SLIT3: variants seen among roughly 807,000 people sequenced by gnomAD.
The protein encoded by SLIT3 is slit homolog 3 protein.
In SLIT3, 68 loss-of-function variants were observed where a neutral mutation model predicts 184.0. That is an observed-to-expected ratio of 0.37 (90% CI 0.30 to 0.45). SLIT3 has a LOEUF of 0.45. SLIT3 is among the 20% of genes least tolerant of loss of function. The pLI, the probability that SLIT3 is intolerant of heterozygous loss-of-function variation, is 1.00. For missense variants in SLIT3, 1,707 were observed against 2,026.0 expected, an observed-to-expected ratio of 0.84 and a Z score of 3.02; for synonymous variants, 831 against 828.6, an observed-to-expected ratio of 1.00 and a Z score of -0.05.
At chr5:169,072,321 G>C (rs1211987855) in intron 4 of SLIT3, among the ~76,000 whole-genome samples, 1 of 152,212 alleles carries the variant, frequency 6.6e-6, no homozygotes, top group Non-Finnish European at 1.5e-5. Context: ...TGTGACCTTA[G>C]AGAAGTCACA....
chr5:169,270,131 G>A (rs371347669), intron 1 of SLIT3, among the ~76,000 whole-genome samples: 3 of 152,256 alleles, frequency 2.0e-5, no homozygotes. Flanking sequence ...CTCATCCCTT[G>A]CTCAGAAAAA....
intron 6 of SLIT3, among the ~76,000 whole-genome samples, chr5:168,834,070 T>C (rs755556051): frequency 3.9e-5 from 6 of 152,176 alleles, no homozygotes; most frequent in Non-Finnish European, 7.4e-5. Context: ...GTGAAAACAG[T>C]GAGGCAGGGC....
In SLIT3 at chr5:168,749,598, G is replaced by C. The variant is rs1268429000; in HGVS notation, c.2011C>G (p.Leu671Val). Residue 671 changes from leucine to valine, a missense_variant, in exon 19 of 36, where the codon CTG becomes GTG. By Grantham distance (32) the Leu-to-Val change is conservative. Transcript: ENST00000519560. ...LSNPFNCNCHLAWLGKWLRKR... is the reference protein window; with the variant it reads ...LSNPFNCNCHVAWLGKWLRKR... ...CTCAACCACTTGCCGAGCCAGGCCAGGTGGCAGTTGCAGTTGAAGGGGTTG... is the reference window on the plus strand; with the variant it reads ...CTCAACCACTTGCCGAGCCAGGCCACGTGGCAGTTGCAGTTGAAGGGGTTG... 3.1e-6 allele frequency: 5 copies of C among 1,614,094 alleles called. No individual in the cohort carries two copies. The highest frequency in any genetic ancestry group is 2.2e-5 in the East Asian group (1 of 44,894).
intron 5 of SLIT3, among the ~76,000 whole-genome samples, chr5:168,859,234 G>T (rs911251419): frequency 5.3e-5 from 8 of 152,110 alleles, no homozygotes; most frequent in Admixed American, 2.6e-4. Context: ...GAAGAGAGAG[G>T]CCCCAGAATT....
chr5:169,054,101 A>G (rs1326738444), intron 4 of SLIT3, among the ~76,000 whole-genome samples: 1 of 152,186 alleles, frequency 6.6e-6, no homozygotes, highest in South Asian at 2.1e-4. Context: ...AAGAAAAGAA[A>G]AAAAAATAGG....
intron 20 of SLIT3, among the ~76,000 whole-genome samples, chr5:168,744,146 G>T (rs930992269): frequency 6.6e-6 from 1 of 152,074 alleles, no homozygotes; most frequent in Admixed American, 6.6e-5. Flanking sequence ...AAAATTAGCC[G>T]GGCGTGGTGG....
chr5:168,988,904 C>G (rs1046175932), intron 4 of SLIT3, among the ~76,000 whole-genome samples: 5 of 152,168 alleles, frequency 3.3e-5, no homozygotes, highest in African/African-American at 1.2e-4. Flanking sequence ...CTCAGCCAGG[C>G]CAGCATTTGT....
intron 4 of SLIT3, among the ~76,000 whole-genome samples, chr5:169,097,713 G>A (rs1253965440): frequency 1.3e-5 from 2 of 152,182 alleles, no homozygotes; most frequent in African/African-American, 2.4e-5. Context: ...AGCAGCAGTA[G>A]CAGGAGGGCT....
chr5:168,809,750 T>C (rs895007959), intron 8 of SLIT3, among the ~76,000 whole-genome samples: 1 of 152,138 alleles, frequency 6.6e-6, no homozygotes, highest in South Asian at 2.1e-4. Flanking sequence ...AATGAGAAGA[T>C]AAGTACATAA....
chr5:168,877,418 T>C (rs563609640), intron 5 of SLIT3, among the ~76,000 whole-genome samples: 1 of 152,206 alleles, frequency 6.6e-6, no homozygotes, highest in East Asian at 1.9e-4. Context: ...AAGCATGAGA[T>C]AAGTGAGAGC....
intron 26 of SLIT3, among the ~76,000 whole-genome samples, chr5:168,701,202 A>C (rs1762203545): frequency 6.6e-6 from 1 of 152,246 alleles, no homozygotes; most frequent in Admixed American, 6.5e-5. Context: ...CATTCTGTAA[A>C]TGCTAGAAGA....
intron 3 of SLIT3, among the ~76,000 whole-genome samples, chr5:169,208,941 C>A (rs1764163224): frequency 6.6e-6 from 1 of 152,012 alleles, no homozygotes; most frequent in African/African-American, 2.4e-5. Context: ...CAATAAAAGC[C>A]AAAATTGACA....
intron 23 of SLIT3, among the ~76,000 whole-genome samples, chr5:168,714,044 C>T (rs1465825064): frequency 6.6e-6 from 1 of 152,210 alleles, no homozygotes; most frequent in Middle Eastern, 3.2e-3. Context: ...TCACAGTTCT[C>T]TGGTGAAATT....
chr5:168,817,613 C>T (rs778286167), intron 7 of SLIT3, 150 bp from the exon 8 acceptor site: 1 of 695,784 alleles, frequency 1.4e-6, no homozygotes, highest in Non-Finnish European at 2.4e-6. Flanking sequence ...TCTGCACTAC[C>T]AAAAACATGG....
intron 9 of SLIT3, among the ~76,000 whole-genome samples, chr5:168,797,738 T>C (rs1756617391): frequency 6.6e-6 from 1 of 152,206 alleles, no homozygotes; most frequent in African/African-American, 2.4e-5. Flanking sequence ...TATTATCTCT[T>C]TTAATCCTTC....
intron 6 of SLIT3, among the ~76,000 whole-genome samples, chr5:168,829,769 G>A (rs148857035): frequency 7.2e-5 from 11 of 152,364 alleles, no homozygotes; most frequent in African/African-American, 2.2e-4. Flanking sequence ...GCAGCTGAGA[G>A]TATAAGTCCT....
At chr5:169,046,976 G>A (rs907681679) in intron 4 of SLIT3, among the ~76,000 whole-genome samples, 2 of 152,072 alleles carry the variant, frequency 1.3e-5, no homozygotes, top group Admixed American at 6.5e-5. Flanking sequence ...TACTCTGGCC[G>A]CAGTAAAGAC....
intron 5 of SLIT3, among the ~76,000 whole-genome samples, chr5:168,859,090 C>A (rs1168550717): frequency 6.6e-6 from 1 of 152,156 alleles, no homozygotes; most frequent in Non-Finnish European, 1.5e-5. Context: ...CTAACGTTTC[C>A]TTTGCCTGTG....
intron 6 of SLIT3, among the ~76,000 whole-genome samples, chr5:168,843,989 C>G (rs914290350): frequency 2.0e-5 from 3 of 149,662 alleles, no homozygotes; most frequent in Admixed American, 2.0e-4. Flanking sequence ...CCCCCGCCCC[C>G]CTACCCCTGG....
Sources: gnomAD v4.1 joint callset for allele counts (sites outside exome capture counted in the v4.1 genomes callset) on GRCh38, gnomAD v4.1.1 for gene constraint, MANE v1.5 for transcripts, NCBI Gene and HGNC (gene_info 2026-07-23, HGNC 2026-07-21) for gene names.